The following DPH6 variants were observed in gnomAD, a reference collection of about 807,000 sequenced individuals.
DPH6 encodes diphthine--ammonia ligase.
In DPH6, 33 loss-of-function variants were observed where a neutral mutation model predicts 38.2. The ratio of observed to expected loss-of-function variants is 0.86; its 90% CI spans 0.65 to 1.15. DPH6 has a LOEUF of 1.15. Among genes scored for constraint, DPH6 ranks in the 50% most tolerant of loss-of-function variants. DPH6 has a pLI of 0.00. For synonymous variants in DPH6, 108 were observed against 103.0 expected (o/e 1.05, Z -0.30); for missense variants, 325 against 320.0 (o/e 1.02, Z -0.12).
the DPH6 span, among the ~76,000 whole-genome samples, chr15:35,191,479 C>A: frequency 3.3e-5 from 5 of 152,078 alleles, no homozygotes; most frequent in Admixed American, 2.6e-4. Context: ...ATGATATAAT[C>A]AAAGACTAGC....
At chr15:35,145,251 A>G in the DPH6 span, among the ~76,000 whole-genome samples, 3 of 152,210 alleles carry the variant, frequency 2.0e-5, no homozygotes, top group African/African-American at 7.2e-5. Context: ...TTTTGTGTGC[A>G]TATATACATT....
intron 3 of DPH6, among the ~76,000 whole-genome samples, chr15:35,502,781 T>C (rs1338235524): frequency 6.6e-6 from 1 of 151,382 alleles, no homozygotes; most frequent in Non-Finnish European, 1.5e-5. Context: ...CTCACTTTGT[T>C]TTCAATTCAT....
At chr15:35,276,708 T>C (rs527842842) in intron 3 of DPH6, among the ~76,000 whole-genome samples, 6 of 151,636 alleles carry the variant, frequency 4.0e-5, no homozygotes, top group African/African-American at 1.5e-4. Context: ...CCCCACTTTA[T>C]GTTTCTGTTT....
the DPH6 span, among the ~76,000 whole-genome samples, chr15:35,149,966 C>T: frequency 1.3e-5 from 2 of 152,194 alleles, no homozygotes; most frequent in Non-Finnish European, 2.9e-5. Context: ...TGTATCCATT[C>T]ATGTTAACTA....
chr15:35,351,289 GTTAAAT>G (rs1265990179), intron 3 of DPH6, among the ~76,000 whole-genome samples: 1 of 152,022 alleles, frequency 6.6e-6, no homozygotes, highest in Non-Finnish European at 1.5e-5. Context: ...TATGTGTGTT[GTTAAAT>G]TTAAAGTGAG....
intron 3 of DPH6, chr15:35,282,799 C>A: frequency 2.9e-6 from 1 of 345,198 alleles, no homozygotes; most frequent in South Asian, 3.1e-5. Context: ...AGCACAGCAT[C>A]ACAGCACAGG....
At chr15:35,270,598 G>A (rs550344554) in intron 3 of DPH6, among the ~76,000 whole-genome samples, 54 of 152,282 alleles carry the variant, frequency 3.5e-4, no homozygotes, top group African/African-American at 1.2e-3. Flanking sequence ...CCACAATAGT[G>A]GAGGCTGTGT....
chr15:35,176,894 A>G, the DPH6 span, among the ~76,000 whole-genome samples: 1 of 152,244 alleles, frequency 6.6e-6, no homozygotes, highest in Non-Finnish European at 1.5e-5. Context: ...GACATGTGAA[A>G]TATCAAAAAG....
intron 3 of DPH6, among the ~76,000 whole-genome samples, chr15:35,491,548 TACACAC>T (rs71309445): frequency 0.04 from 5,569 of 137,688 alleles, 109 homozygotes; most frequent in East Asian, 0.12. Flanking sequence ...CCAATAGGTG[TACACAC>T]ACACACACAC....
chr15:35,522,173 T>C (rs779000289), intron 3 of DPH6: 148 of 1,613,274 alleles, frequency 9.2e-5, no homozygotes, highest in Non-Finnish European at 1.2e-4. Flanking sequence ...CACAGTTCAT[T>C]TGGAGTCCTG....
intron 3 of DPH6, among the ~76,000 whole-genome samples, chr15:35,494,505 T>C (rs1480769401): frequency 6.6e-6 from 1 of 152,108 alleles, no homozygotes; most frequent in Non-Finnish European, 1.5e-5. Flanking sequence ...CTGATGACTA[T>C]AAACACCTGG....
chr15:35,159,461 C>A, the DPH6 span, among the ~76,000 whole-genome samples: 1 of 151,930 alleles, frequency 6.6e-6, no homozygotes, highest in African/African-American at 2.4e-5. Flanking sequence ...AAAAAATGCT[C>A]ATTATCACTA....
At chr15:35,209,141 CT>C in the DPH6 span, among the ~76,000 whole-genome samples, 1 of 151,988 alleles carries the variant, frequency 6.6e-6, no homozygotes, top group South Asian at 2.1e-4. Flanking sequence ...GTTATATTTC[CT>C]TTTTACTTAG....
rs150925361 is a variant in DPH6, at chr15:35,526,854, T to G, written c.312+11420A>C. Among the ~76,000 whole-genome samples, 814 of 152,234 alleles carry G rather than the reference T, an allele frequency of 5.3e-3. 10 individuals are homozygous for G. Among genetic ancestry groups the G allele is most frequent in the African/African-American group, 0.019 (792 of 41,536 alleles). The stretch of plus-strand genomic sequence containing the variant: ...TATCTTTAGGTTAACCCTCTTTATC[T>G]CCTTTTGAAATGGCCCATGCCTCAG... On this transcript the variant is annotated intron_variant, in intron 3 of 8. Coordinates refer to ENST00000256538, the MANE Select transcript of DPH6 (RefSeq NM_080650.4).
At chr15:35,498,104 T>C (rs2054580459) in intron 3 of DPH6, among the ~76,000 whole-genome samples, 1 of 152,178 alleles carries the variant, frequency 6.6e-6, no homozygotes, top group Admixed American at 6.5e-5. Flanking sequence ...ATTTTAATAG[T>C]TGGCACCTTC....
chr15:35,179,024 T>C, the DPH6 span, among the ~76,000 whole-genome samples: 3 of 151,664 alleles, frequency 2.0e-5, no homozygotes, highest in South Asian at 2.1e-4. Flanking sequence ...CTGACCAACA[T>C]GGAGAAATCC....
At chr15:35,146,912 C>T in the DPH6 span, among the ~76,000 whole-genome samples, 45 of 152,118 alleles carry the variant, frequency 3.0e-4, no homozygotes, top group Admixed American at 5.9e-4. Flanking sequence ...TCATAAATGT[C>T]TTGGGAAAAT....
chr15:35,505,342 G>T (rs879799903), intron 3 of DPH6, among the ~76,000 whole-genome samples: 1 of 150,458 alleles, frequency 6.6e-6, no homozygotes, highest in Non-Finnish European at 1.5e-5. Flanking sequence ...TAACTCTATT[G>T]AGAAAAAAAA....
At chr15:35,367,858 T>A (rs557292398), downstream of DPH6, among the ~76,000 whole-genome samples, 3 of 151,302 alleles carry the variant, frequency 2.0e-5, no homozygotes, top group East Asian at 5.8e-4. Context: ...TCTAACAAGA[T>A]AAATGGAAAA....
Sources: gnomAD v4.1 joint callset for allele counts (sites outside exome capture counted in the v4.1 genomes callset) on GRCh38, gnomAD v4.1.1 for gene constraint, MANE v1.5 for transcripts, NCBI Gene and HGNC (gene_info 2026-07-23, HGNC 2026-07-21) for gene names.